The following EBF2 variants were observed in gnomAD, a reference collection of about 807,000 sequenced individuals.
EBF2 encodes the protein EBF transcription factor 2.
In EBF2, 21 loss-of-function variants were observed where a neutral mutation model predicts 72.8. The ratio of observed to expected loss-of-function variants is 0.29; its 90% CI spans 0.20 to 0.42. The LOEUF (loss-of-function observed/expected upper bound fraction) is 0.42. Among genes scored for constraint, EBF2 ranks in the 10% least tolerant of loss-of-function variants. The probability of loss-of-function intolerance (pLI) is 1.00; values close to 1 mark genes in which losing one functional copy is unlikely to be tolerated. For synonymous variants in EBF2, 299 were observed against 274.2 expected, an observed-to-expected ratio of 1.09 and a Z score of -0.89; for missense variants, 637 against 731.2, an observed-to-expected ratio of 0.87 and a Z score of 1.49.
chr8:26,011,418 G>A (rs1735792346), intron 6 of EBF2, among the ~76,000 whole-genome samples: 1 of 149,792 alleles, frequency 6.7e-6, no homozygotes, highest in African/African-American at 2.5e-5. Context: ...TTTAAATGCT[G>A]TCCTCACCTA....
intron 14 of EBF2, 151 bp downstream of exon 14, chr8:25,858,168 A>G: frequency 1.0e-6 from 1 of 999,444 alleles, no homozygotes; most frequent in Non-Finnish European, 1.5e-6. Flanking sequence ...AGGGAAAAGA[A>G]CGAAAGGCAG....
chr8:26,038,964 A>G (rs565749198), intron 5 of EBF2, among the ~76,000 whole-genome samples: 2 of 152,370 alleles, frequency 1.3e-5, no homozygotes, highest in East Asian at 1.9e-4. Flanking sequence ...GTTAGGAGAC[A>G]TTGACTAAAG....
intron 10 of EBF2, among the ~76,000 whole-genome samples, chr8:25,867,837 T>A (rs894282878): frequency 6.6e-6 from 1 of 152,188 alleles, no homozygotes. Flanking sequence ...AATGATTGAC[T>A]GCCAATCAGA....
At chr8:25,892,505 G>A (rs1221750952) in intron 7 of EBF2, among the ~76,000 whole-genome samples, 1 of 152,100 alleles carries the variant, frequency 6.6e-6, no homozygotes, top group Admixed American at 6.5e-5. Flanking sequence ...TTCCCAAAAA[G>A]TCATCTTGTG....
intron 7 of EBF2, among the ~76,000 whole-genome samples, chr8:25,893,956 T>G (rs916886233): frequency 3.3e-5 from 5 of 152,230 alleles, no homozygotes; most frequent in African/African-American, 1.2e-4. Flanking sequence ...ATTATGTCAG[T>G]GTCCATAAAA....
intron 6 of EBF2, among the ~76,000 whole-genome samples, chr8:25,951,976 T>C (rs185169888): frequency 6.6e-6 from 1 of 152,306 alleles, no homozygotes; most frequent in East Asian, 1.9e-4. Context: ...TGTTGAAAAG[T>C]GTTCAAAGGG....
chr8:25,926,214 C>T (rs73553975), intron 6 of EBF2, among the ~76,000 whole-genome samples: 225 of 152,140 alleles, frequency 1.5e-3, no homozygotes, highest in African/African-American at 5.2e-3. Context: ...TCGTTGCTCT[C>T]GCCGTATGGT....
At position 25,861,106 on chromosome 8, in the gene EBF2, A is replaced by G; in HGVS notation, c.1285T>C (p.Ser429Pro). The G allele has an allele frequency of 6.2e-7, 1 of 1,614,124 alleles. No individual in the cohort carries two copies. The highest frequency in any genetic ancestry group is 1.1e-5 in the South Asian group (1 of 91,076). The stretch of plus-strand genomic sequence containing the variant: ...CTGACCCCAAGCTGGCTGCCATAGG[A>G]GTTGATTCCCATCATGCCACTGTGC... ...PAHSGMMGIN[S>P]YGSQLGVSIS... Residue 429 changes from serine (S) to proline (P), a missense_variant, in exon 13 of 16, where the codon TCC becomes CCC. By Grantham distance (74) the Ser-to-Pro change is moderately conservative. Coordinates refer to ENST00000520164, the MANE Select transcript of EBF2 (RefSeq NM_022659.4).
chr8:26,026,302 T>C (rs1805301750), intron 6 of EBF2, among the ~76,000 whole-genome samples: 1 of 152,086 alleles, frequency 6.6e-6, no homozygotes, highest in South Asian at 2.1e-4. Context: ...CTCCGGTAAA[T>C]TATTGAGGAG....
At chr8:25,920,747 C>A (rs145129582) in intron 6 of EBF2, among the ~76,000 whole-genome samples, 19 of 151,946 alleles carry the variant, frequency 1.3e-4, no homozygotes, top group Admixed American at 1.1e-3. Context: ...CAGGAAATTT[C>A]TCTAATTTTA....
In EBF2 at chr8:25,904,451, G is replaced by A. The variant is rs186538120; in HGVS notation, c.633+4023C>T. Among the ~76,000 whole-genome samples the A allele has an allele frequency of 1.5e-3, 230 of 151,246 alleles. 1 individual carries two copies. Among genetic ancestry groups the A allele is most frequent in the African/African-American group, 5.4e-3 (221 of 41,152 alleles). On this transcript the variant is annotated intron_variant, in intron 7 of 15. Coordinates refer to ENST00000520164, the MANE Select transcript of EBF2 (RefSeq NM_022659.4). ...CAGTGTTTGGGGGTAAGGGAAGGAG[G>A]GGGGAGAGTTTTATAGAGTTCAGGA...
chr8:25,873,386 G>A (rs973181895), intron 10 of EBF2, among the ~76,000 whole-genome samples: 4 of 152,236 alleles, frequency 2.6e-5, no homozygotes, highest in Admixed American at 1.3e-4. Context: ...TCTCTGAGGA[G>A]TAGAGGGTGG....
intron 6 of EBF2, among the ~76,000 whole-genome samples, chr8:25,945,088 G>GCCCACCC (rs1803744005): frequency 1.6e-5 from 2 of 127,380 alleles, no homozygotes; most frequent in African/African-American, 3.0e-5. Context: ...TTGTTCTGTT[G>GCCCACCC]CCCCCCCCGC....
intron 6 of EBF2, among the ~76,000 whole-genome samples, chr8:25,939,488 A>G (rs544317906): frequency 1.3e-5 from 2 of 152,318 alleles, no homozygotes; most frequent in East Asian, 3.9e-4. Context: ...TCAGCCCAAA[A>G]AACCTTTTAC....
chr8:26,042,303 G>T lies in EBF2; in HGVS notation c.132-52C>A, dbSNP rs372448761. ...ACAAGACACGGGGAAGCACAAAAAG[G>T]CGATGTTACTAACCGCCCACAACAC... On this transcript the variant is annotated intron_variant, in intron 1 of 15. Coordinates refer to ENST00000520164, the MANE Select transcript of EBF2 (RefSeq NM_022659.4). The T allele has an allele frequency of 1.1e-4, 176 of 1,567,742 alleles. 1 individual carries two copies. The African/African-American group carries it at 2.2e-3, about 20-fold the overall frequency.
At chr8:26,020,818 T>G (rs1288319719) in intron 6 of EBF2, among the ~76,000 whole-genome samples, 1 of 152,170 alleles carries the variant, frequency 6.6e-6, no homozygotes, top group African/African-American at 2.4e-5. Context: ...TTACTCTTCA[T>G]CCTGTGCCTT....
rs1802719652 is a variant in EBF2, at chr8:25,887,982, C to T, written c.752-10G>A. The T allele has an allele frequency of 6.3e-7, 1 of 1,596,984 alleles. No individual in the cohort carries two copies. The highest frequency in any genetic ancestry group is 8.5e-7 in the Non-Finnish European group (1 of 1,173,184). ...TTGATGCAGGGGGTAGCTAAGAAGA[C>T]AGGAAAGAAAAAGTCAGGTTTGTTC... On this transcript the variant is annotated splice_polypyrimidine_tract_variant and intron_variant, in intron 8 of 15. Transcript: ENST00000520164.
At chr8:26,007,181 T>C (rs1158606407) in intron 6 of EBF2, among the ~76,000 whole-genome samples, 2 of 152,204 alleles carry the variant, frequency 1.3e-5, no homozygotes, top group Non-Finnish European at 2.9e-5. Flanking sequence ...GATCTGATCA[T>C]TTCCATCCCT....
At chr8:25,920,462 G>C (rs1366922115) in intron 6 of EBF2, among the ~76,000 whole-genome samples, 2 of 152,168 alleles carry the variant, frequency 1.3e-5, no homozygotes, top group Non-Finnish European at 2.9e-5. Flanking sequence ...CTATTGACAG[G>C]CAAGAGGTTT....
Sources: gnomAD v4.1 joint callset for allele counts (sites outside exome capture counted in the v4.1 genomes callset) on GRCh38, gnomAD v4.1.1 for gene constraint, MANE v1.5 for transcripts, NCBI Gene and HGNC (gene_info 2026-07-23, HGNC 2026-07-21) for gene names.